The following LOC128706666 variants were observed in gnomAD, a reference collection of about 807,000 sequenced individuals.
At chr20:10,432,882 T>A in the LOC128706666 span, among the ~76,000 whole-genome samples, 1 of 151,584 alleles carries the variant, frequency 6.6e-6, no homozygotes, top group East Asian at 1.9e-4. Context: ...AGGCTACTTA[T>A]AATACCTAAT....
At chr20:10,427,029 G>GACACACAC in the LOC128706666 span, among the ~76,000 whole-genome samples, 3,696 of 130,648 alleles carry the variant, frequency 0.028, 122 homozygotes, top group Middle Eastern at 0.051. Context: ...AGAAAACACT[G>GACACACAC]ACACACACAC....
the LOC128706666 span, among the ~76,000 whole-genome samples, chr20:10,421,330 A>G: frequency 2.0e-5 from 3 of 151,606 alleles, no homozygotes; most frequent in Non-Finnish European, 4.4e-5. Context: ...AGGCTGAGTC[A>G]GGAGACTTGC....
chr20:10,419,677 A>C, the LOC128706666 span, among the ~76,000 whole-genome samples: 44 of 152,350 alleles, frequency 2.9e-4, no homozygotes, highest in African/African-American at 1.0e-3. Context: ...TTACCTGAAC[A>C]TAAGCGCGGA....
the LOC128706666 span, among the ~76,000 whole-genome samples, chr20:10,427,287 C>A: frequency 1.3e-5 from 2 of 152,090 alleles, no homozygotes; most frequent in Admixed American, 1.3e-4. Context: ...GCTTGCTGGG[C>A]GCCATCTGCT....
the LOC128706666 span, among the ~76,000 whole-genome samples, chr20:10,426,198 C>T: frequency 6.6e-6 from 1 of 152,200 alleles, no homozygotes; most frequent in Admixed American, 6.5e-5. Context: ...TTAACTGTGG[C>T]ATTCAATTTA....
the LOC128706666 span, among the ~76,000 whole-genome samples, chr20:10,433,591 G>A: frequency 6.6e-6 from 1 of 152,344 alleles, no homozygotes; most frequent in African/African-American, 2.4e-5. Context: ...CATGACCTTA[G>A]AGGGTCATCC....
the LOC128706666 span, among the ~76,000 whole-genome samples, chr20:10,414,945 T>C: frequency 1.3e-5 from 2 of 152,166 alleles, no homozygotes; most frequent in African/African-American, 2.4e-5. Context: ...TGACAGTACA[T>C]GCAAAAACCA....
At chr20:10,424,701 G>A in the LOC128706666 span, among the ~76,000 whole-genome samples, 3 of 152,212 alleles carry the variant, frequency 2.0e-5, no homozygotes, top group South Asian at 6.2e-4. Flanking sequence ...ATATTTTGGG[G>A]ATACAATTTA....
the LOC128706666 span, among the ~76,000 whole-genome samples, chr20:10,426,079 T>G: frequency 6.6e-6 from 1 of 152,376 alleles, no homozygotes; most frequent in East Asian, 1.9e-4. Flanking sequence ...TGGTCTTAAA[T>G]TATTCAAAAG....
chr20:10,433,340 C>T, the LOC128706666 span, among the ~76,000 whole-genome samples: 8 of 152,360 alleles, frequency 5.3e-5, no homozygotes, highest in South Asian at 2.1e-4. Context: ...TGGTTGAATT[C>T]ACACATGCGG....
chr20:10,420,174 T>TA, the LOC128706666 span, among the ~76,000 whole-genome samples: 166 of 148,980 alleles, frequency 1.1e-3, no homozygotes, highest in South Asian at 2.4e-3. Context: ...TTTGTATTGT[T>TA]AAAAAAAAAA....
At chr20:10,426,550 C>A in the LOC128706666 span, among the ~76,000 whole-genome samples, 1 of 152,216 alleles carries the variant, frequency 6.6e-6, no homozygotes, top group African/African-American at 2.4e-5. Flanking sequence ...CAGGCCCACG[C>A]CACCATGCCC....
the LOC128706666 span, among the ~76,000 whole-genome samples, chr20:10,427,026 A>G: frequency 8.1e-5 from 11 of 135,584 alleles, no homozygotes; most frequent in Non-Finnish European, 1.7e-4. Flanking sequence ...AAAAGAAAAC[A>G]CTGACACACA....
the LOC128706666 span, chr20:10,431,669 T>C: frequency 6.6e-6 from 1 of 152,162 alleles, no homozygotes. Context: ...TTAGTCTCAA[T>C]CCATTTTTAC....
chr20:10,431,363 C>A, the LOC128706666 span, among the ~76,000 whole-genome samples: 1 of 152,084 alleles, frequency 6.6e-6, no homozygotes, highest in Non-Finnish European at 1.5e-5. Flanking sequence ...TTAATTCTAT[C>A]CAAATGCTCA....
At chr20:10,421,348 T>TGGGA in the LOC128706666 span, among the ~76,000 whole-genome samples, 9 of 148,542 alleles carry the variant, frequency 6.1e-5, no homozygotes, top group East Asian at 1.8e-3. Flanking sequence ...TGCTTGAACT[T>TGGGA]GGGAGGTGGA....
At chr20:10,420,845 T>C in the LOC128706666 span, 46 of 152,230 alleles carry the variant, frequency 3.0e-4, no homozygotes, top group African/African-American at 1.1e-3. Context: ...ACAAGTAGCA[T>C]GCTGTACTCT....
At chr20:10,433,184 T>G in the LOC128706666 span, among the ~76,000 whole-genome samples, 8,962 of 152,312 alleles carry the variant, frequency 0.059, 326 homozygotes, top group East Asian at 0.19. Context: ...TTTTGTACTT[T>G]TAGCAGAGAC....
the LOC128706666 span, among the ~76,000 whole-genome samples, chr20:10,416,019 T>C: frequency 1.3e-5 from 2 of 152,212 alleles, no homozygotes; most frequent in Non-Finnish European, 2.9e-5. Flanking sequence ...GGCTGGTTTA[T>C]AGAACATGTT....
Sources: allele counts gnomAD v4.1 joint callset (sites outside exome capture counted in the v4.1 genomes callset), GRCh38; gene constraint gnomAD v4.1.1; transcripts MANE v1.5.